The following PREP variants were observed in gnomAD, a reference collection of about 807,000 sequenced individuals.
PREP encodes the protein dJ355L5.1 (prolyl endopeptidase).
A neutral mutation model predicts 87.6 loss-of-function variants in PREP; 29 were observed. The observed-to-expected ratio is 0.33, with a 90% CI of 0.25 to 0.45. The LOEUF (loss-of-function observed/expected upper bound fraction) is 0.45. Among genes scored for constraint, PREP ranks in the 20% least tolerant of loss-of-function variants. The pLI, the probability that PREP is intolerant of heterozygous loss-of-function variation, is 1.00. For missense variants in PREP, 695 were observed against 886.5 expected (o/e 0.78, Z 2.74); for synonymous variants, 337 against 328.6 (o/e 1.03, Z -0.28).
intron 7 of PREP, among the ~76,000 whole-genome samples, chr6:105,345,980 A>G (rs1322938071): frequency 2.0e-5 from 3 of 152,226 alleles, no homozygotes; most frequent in African/African-American, 7.2e-5. Context: ...TAAAATTAGT[A>G]TAAATACTCA....
At chr6:105,314,785 G>C (rs1770827341) in intron 10 of PREP, among the ~76,000 whole-genome samples, 1 of 152,134 alleles carries the variant, frequency 6.6e-6, no homozygotes, top group Non-Finnish European at 1.5e-5. Context: ...AATCATAAAT[G>C]TTCCTCATGG....
In PREP at chr6:105,345,644, A is replaced by T. The variant is rs371322008; in HGVS notation, c.823+7328T>A. On this transcript the variant is annotated intron_variant, in intron 7 of 14. Transcript: ENST00000652536. ...AAATGCAAGGAGTGGTCAGGCACTG[A>T]GGCTGCAGGGCGCATGGGCTGCTGT... Among the ~76,000 whole-genome samples, 60 of 152,340 alleles carry T rather than the reference A, an allele frequency of 3.9e-4. No individual in the cohort carries two copies. In the East Asian group the frequency reaches 8.3e-3, roughly 21 times the overall value.
intron 1 of PREP, 118 bp from the exon 2 acceptor site, chr6:105,398,045 T>G: frequency 1.3e-6 from 1 of 777,508 alleles, no homozygotes; most frequent in Non-Finnish European, 2.1e-6. Context: ...ATTGGCTCAC[T>G]GGCAACGTGT....
chr6:105,370,588 G>A (rs1772510823), intron 5 of PREP, among the ~76,000 whole-genome samples: 1 of 152,082 alleles, frequency 6.6e-6, no homozygotes, highest in African/African-American at 2.4e-5. Flanking sequence ...TTTTACAGAA[G>A]TTTTATTCAT....
At chr6:105,345,019 A>G (rs79452343) in intron 7 of PREP, among the ~76,000 whole-genome samples, 1,686 of 152,352 alleles carry the variant, frequency 0.011, 32 homozygotes, top group African/African-American at 0.039. Context: ...TTGGAAAAAT[A>G]GTCCAAAGTA....
At chr6:105,285,986 G>A (rs1027545201) in intron 11 of PREP, among the ~76,000 whole-genome samples, 7 of 152,170 alleles carry the variant, frequency 4.6e-5, no homozygotes, top group African/African-American at 1.7e-4. Flanking sequence ...AAGTTGGTCA[G>A]GCTGGTCTTG....
intron 1 of PREP, 148 bp downstream of exon 1, chr6:105,402,699 C>G (rs944958033): frequency 5.8e-6 from 4 of 688,756 alleles, no homozygotes; most frequent in East Asian, 7.1e-5. Flanking sequence ...CCCGCGCCCC[C>G]GGCCCAATTC....
At chr6:105,290,831 AAT>A (rs1254648024) in intron 10 of PREP, among the ~76,000 whole-genome samples, 2 of 152,200 alleles carry the variant, frequency 1.3e-5, no homozygotes, top group Non-Finnish European at 2.9e-5. Context: ...TGCTAAAAAC[AAT>A]ATTTTGAAAG....
In PREP at chr6:105,278,318, A is replaced by G; in HGVS notation, c.1959T>C (p.Ile653=). The change falls in exon 15 of 15, where the codon ATT becomes ATC. Residue 653 remains isoleucine (I), a synonymous_variant. Transcript: ENST00000652536. This position sits in a 1 kb window ranked among gnomAD's most constrained non-coding sequence, Gnocchi z 4.2. ...RVVPLHSLKF[I]ATLQYIVGRS... is the part of the protein sequence containing the mutation. ...GGCCCACGATGTACTGAAGGGTGGC[A>G]ATGAACTTCAGGGAGTGAAGCGGGA... 3 of 1,614,210 alleles carry G rather than the reference A, an allele frequency of 1.9e-6. No homozygotes were observed. The highest frequency in any genetic ancestry group is 2.5e-6 in the Non-Finnish European group (3 of 1,180,032).
intron 14 of PREP, 160 bp downstream of exon 14, chr6:105,281,586 A>T: frequency 2.3e-6 from 2 of 874,128 alleles, no homozygotes; most frequent in Non-Finnish European, 3.3e-6. Context: ...AGACCATATT[A>T]AATCAAGAAA....
chr6:105,278,472 A>G lies in PREP; in HGVS notation c.1839-34T>C. ...CAAAAACACCTTTGTGAGGCTGGAGAGCAACAGTAGAGTTTTATGGCACAG... is the reference window on the plus strand; with the variant it reads ...CAAAAACACCTTTGTGAGGCTGGAGGGCAACAGTAGAGTTTTATGGCACAG... On this transcript the variant is annotated intron_variant, in intron 14 of 14. Transcript: ENST00000652536. The surrounding 1 kb of genome is among the most constrained non-coding windows in gnomAD (Gnocchi z 4.2). 7 of 1,580,436 alleles carry G rather than the reference A, an allele frequency of 4.4e-6. No individual in the cohort carries two copies. Among genetic ancestry groups the G allele is most frequent in the Non-Finnish European group, 6.1e-6 (7 of 1,156,592 alleles).
intron 1 of PREP, 32 bp downstream of exon 1, chr6:105,402,815 G>C (rs1773470136): frequency 1.3e-6 from 2 of 1,532,432 alleles, no homozygotes; most frequent in Non-Finnish European, 1.8e-6. Flanking sequence ...CCTTTGCCCG[G>C]GAGCCCTCTG....
chr6:105,339,191 G>C (rs576475888), intron 7 of PREP, among the ~76,000 whole-genome samples: 1 of 152,214 alleles, frequency 6.6e-6, no homozygotes, highest in African/African-American at 2.4e-5. Flanking sequence ...GAAGCTTCCA[G>C]AGGAAGGATC....
In PREP at chr6:105,377,420, G is replaced by C; in HGVS notation, c.220C>G (p.Pro74Ala). The C allele has an allele frequency of 6.2e-7, 1 of 1,613,094 alleles. No individual in the cohort carries two copies. Among genetic ancestry groups the C allele is most frequent in the Non-Finnish European group, 8.5e-7 (1 of 1,179,500 alleles). ...TTCTTGAAGTGGCAACTATACTTGG[G>C]ATAATCATATAGTTCAGTCATTCTC... ...KERMTELYDY[P>A]KYSCHFKKGK... is the part of the protein sequence containing the mutation. Residue 74 changes from proline (P) to alanine (A), a missense_variant, in exon 3 of 15, where the codon CCC becomes GCC. By Grantham distance (27) the Pro-to-Ala change is conservative. Transcript: ENST00000652536.
In PREP at chr6:105,347,601, C is replaced by A. The variant is rs140168528; in HGVS notation, c.823+5371G>T. 4.0e-3 allele frequency among the ~76,000 whole-genome samples: 610 copies of A among 152,078 alleles called. 8 individuals carry two copies. Among genetic ancestry groups the A allele is most frequent in the African/African-American group, 0.014 (582 of 41,464 alleles). On this transcript the variant is annotated intron_variant, in intron 7 of 14. Transcript: ENST00000652536. ...AGTTTTCATGTAAATTTTTAAAGTC[C>A]ACAGACTTGAGAGAAAAGAGACAGC...
At chr6:105,334,537 G>A (rs191037235) in intron 7 of PREP, among the ~76,000 whole-genome samples, 55 of 152,206 alleles carry the variant, frequency 3.6e-4, no homozygotes, top group Non-Finnish European at 6.0e-4. Flanking sequence ...TGGCCAACAC[G>A]GTGAAACCCT....
chr6:105,385,090 G>C (rs116594056), intron 2 of PREP, among the ~76,000 whole-genome samples: 74 of 152,280 alleles, frequency 4.9e-4, no homozygotes, highest in African/African-American at 1.7e-3. Context: ...AGGCTGGAAA[G>C]AGGAGAGCTG....
At chr6:105,329,156 T>A (rs1771254350) in intron 8 of PREP, 130 bp from the exon 9 acceptor site, 3 of 128,346 alleles carry the variant, frequency 2.3e-5, no homozygotes, top group Non-Finnish European at 4.1e-5. Flanking sequence ...CACTTTTACA[T>A]TTTTTTTTTT....
intron 8 of PREP, 94 bp from the exon 9 acceptor site, chr6:105,329,120 CT>C: frequency 8.5e-7 from 1 of 1,179,234 alleles, no homozygotes; most frequent in Non-Finnish European, 1.2e-6. Flanking sequence ...ACACATAGGG[CT>C]ATGCAGCAAT....
Sources: gnomAD v4.1 joint callset for allele counts (sites outside exome capture counted in the v4.1 genomes callset) on GRCh38, gnomAD v4.1.1 for gene constraint, Gnocchi (gnomAD v3.1) non-coding constraint, MANE v1.5 for transcripts, NCBI Gene and HGNC (gene_info 2026-07-23, HGNC 2026-07-21) for gene names.